MDGA2: variants seen among roughly 807,000 people sequenced by gnomAD.
The protein encoded by MDGA2 is MAM domain containing glycosylphosphatidylinositol anchor 2, also known as MAM domain-containing glycosylphosphatidylinositol anchor protein 2.
In MDGA2, 40 loss-of-function variants were observed where a neutral mutation model predicts 117.8. That is an observed-to-expected ratio of 0.34 (90% CI 0.26 to 0.44). The LOEUF is 0.44. MDGA2 is among the 20% of genes least tolerant of loss of function. The pLI is 1.00. For synonymous variants in MDGA2, 452 were observed against 439.0 expected (o/e 1.03, Z -0.37); for missense variants, 1,123 against 1,250.6 (o/e 0.90, Z 1.54).
Position 47,603,854 on chromosome 14 carries a change from T to C in MDGA2, c.280+70663A>G, listed in dbSNP as rs373010974. Among the ~76,000 whole-genome samples the C allele has an allele frequency of 4.6e-5, 7 of 152,244 alleles. No individual in the cohort carries two copies. The South Asian group carries it at 8.3e-4, about 18-fold the overall frequency. ...TCCCCTTGGTAACGAGTGCTTTCTA[T>C]TTGTGAGTTCACGCAAGATCTGGTT... On this transcript the variant is annotated intron_variant, in intron 1 of 16. Transcript: ENST00000399232.
rs534729389 is a variant in MDGA2 at position 47,176,154 on chromosome 14, T to C, written c.596-31880A>G. Among the ~76,000 whole-genome samples, 623 of 152,022 alleles carry C rather than the reference T, an allele frequency of 4.1e-3. 6 individuals are homozygous for C. The highest frequency in any genetic ancestry group is 0.012 in the African/African-American group (497 of 41,474). On this transcript the variant is annotated intron_variant, in intron 3 of 16. Transcript: ENST00000399232. ...CACTGCTCAAGGAAATAAAAGAGGA[T>C]ACAAACAAATGGAAGAACATTCCAT...
At chr14:47,242,582 C>T (rs1887084186) in intron 2 of MDGA2, among the ~76,000 whole-genome samples, 1 of 151,858 alleles carries the variant, frequency 6.6e-6, no homozygotes, top group African/African-American at 2.4e-5. Flanking sequence ...GGACTTAGCA[C>T]CCGGGCCAGT....
At chr14:47,359,962 G>A (rs1400870798) in intron 1 of MDGA2, among the ~76,000 whole-genome samples, 1 of 152,162 alleles carries the variant, frequency 6.6e-6, no homozygotes, top group Non-Finnish European at 1.5e-5. Context: ...AAAAGTATTT[G>A]TGAACCATAT....
At chr14:47,671,951 C>T (rs1898083123) in intron 1 of MDGA2, among the ~76,000 whole-genome samples, 1 of 152,112 alleles carries the variant, frequency 6.6e-6, no homozygotes, top group Admixed American at 6.5e-5. Flanking sequence ...AACTGTAAGC[C>T]TATGTTAGTG....
At chr14:47,084,454 A>C (rs1006270751) in intron 6 of MDGA2, among the ~76,000 whole-genome samples, 1 of 151,836 alleles carries the variant, frequency 6.6e-6, no homozygotes, top group African/African-American at 2.4e-5. Flanking sequence ...GTCTCAAGTA[A>C]ATTATCTAAT....
chr14:46,922,302 A>C (rs2138517926), intron 9 of MDGA2, among the ~76,000 whole-genome samples: 1 of 152,260 alleles, frequency 6.6e-6, no homozygotes, highest in East Asian at 1.9e-4. Flanking sequence ...CCTTTATTCG[A>C]GGTATTTAGT....
chr14:47,605,438 C>T (rs1042358682), intron 1 of MDGA2, among the ~76,000 whole-genome samples: 4 of 152,106 alleles, frequency 2.6e-5, no homozygotes, highest in Non-Finnish European at 5.9e-5. Context: ...TATAGACACA[C>T]GGGAATGGAT....
At chr14:47,127,092 A>G (rs1184415232) in intron 5 of MDGA2, among the ~76,000 whole-genome samples, 1 of 152,192 alleles carries the variant, frequency 6.6e-6, no homozygotes, top group African/African-American at 2.4e-5. Flanking sequence ...TACAGAGAAG[A>G]TTAACGAAAC....
At chr14:47,235,804 C>G (rs1279250679) in intron 2 of MDGA2, among the ~76,000 whole-genome samples, 1 of 152,162 alleles carries the variant, frequency 6.6e-6, no homozygotes, top group Non-Finnish European at 1.5e-5. Flanking sequence ...CCTTCCTGTT[C>G]CTGTTTCCCA....
At chr14:46,879,180 G>A (rs1229187345) in intron 11 of MDGA2, among the ~76,000 whole-genome samples, 1 of 151,984 alleles carries the variant, frequency 6.6e-6, no homozygotes, top group Non-Finnish European at 1.5e-5. Context: ...CAATGGGATT[G>A]GTGTCCTTAT....
rs111654454 is a variant in MDGA2 at position 47,496,985 on chromosome 14, C to T, written c.280+177532G>A. Among the ~76,000 whole-genome samples the T allele has an allele frequency of 1.5e-3, 222 of 151,860 alleles. 1 individual carries two copies. The highest frequency in any genetic ancestry group is 5.0e-3 in the African/African-American group (207 of 41,410). On this transcript the variant is annotated intron_variant, in intron 1 of 16. Coordinates refer to ENST00000399232, the MANE Select transcript of MDGA2 (RefSeq NM_001113498.3). ...AAATTAGACCCCTCTCATGCACGTG[C>T]AGTTTAGAATAGGGTTTGTGCTGAT...
intron 1 of MDGA2, among the ~76,000 whole-genome samples, chr14:47,599,936 C>T (rs577534650): frequency 6.6e-6 from 1 of 152,126 alleles, no homozygotes; most frequent in East Asian, 1.9e-4. Flanking sequence ...GCATATTTCA[C>T]ATATCCTCAA....
chr14:47,289,114 C>T (rs530135832), intron 2 of MDGA2, among the ~76,000 whole-genome samples: 37 of 151,976 alleles, frequency 2.4e-4, no homozygotes, highest in African/African-American at 8.4e-4. Flanking sequence ...ATGAGTGTTT[C>T]ATTAGATTAG....
chr14:47,174,036 C>A (rs1004072800), intron 3 of MDGA2, among the ~76,000 whole-genome samples: 9 of 152,048 alleles, frequency 5.9e-5, no homozygotes, highest in Non-Finnish European at 1.0e-4. Flanking sequence ...CAACAAAGAT[C>A]AAAAGAGACA....
chr14:47,076,081 G>A (rs1296551829), intron 6 of MDGA2, among the ~76,000 whole-genome samples: 1 of 151,958 alleles, frequency 6.6e-6, no homozygotes, highest in African/African-American at 2.4e-5. Flanking sequence ...TAAAATATTT[G>A]TCAAGGAAAT....
At chr14:46,997,699 G>C (rs1887346630) in intron 8 of MDGA2, among the ~76,000 whole-genome samples, 1 of 152,102 alleles carries the variant, frequency 6.6e-6, no homozygotes, top group East Asian at 1.9e-4. Flanking sequence ...AGGAACATAA[G>C]GTTCTGGAGA....
chr14:47,493,181 C>A (rs949034323), intron 1 of MDGA2, among the ~76,000 whole-genome samples: 1 of 151,504 alleles, frequency 6.6e-6, no homozygotes, highest in Non-Finnish European at 1.5e-5. Context: ...ATATATAGTA[C>A]TTAAGCCATC....
chr14:47,075,754 A>G (rs2138862310), intron 6 of MDGA2, among the ~76,000 whole-genome samples: 1 of 152,250 alleles, frequency 6.6e-6, no homozygotes, highest in Middle Eastern at 3.4e-3. Flanking sequence ...TATATATGAG[A>G]GTTCTTTGTA....
At chr14:47,355,642 C>A (rs960384402) in intron 1 of MDGA2, among the ~76,000 whole-genome samples, 2 of 152,064 alleles carry the variant, frequency 1.3e-5, no homozygotes, top group Admixed American at 6.5e-5. Context: ...GAGAGCCCCC[C>A]AGATGAGGAG....
Sources: allele counts gnomAD v4.1 joint callset (sites outside exome capture counted in the v4.1 genomes callset), GRCh38; gene constraint gnomAD v4.1.1; transcripts MANE v1.5; gene names NCBI Gene and HGNC (gene_info 2026-07-23, HGNC 2026-07-21).